Variants in USB1 observed in about 807,000 individuals in gnomAD.
The protein encoded by USB1 is U6 snRNA phosphodiesterase 1.
In USB1, 21 loss-of-function variants were observed where a neutral mutation model predicts 29.9. The observed-to-expected ratio is 0.70, with a 90% CI of 0.50 to 1.01. The LOEUF (loss-of-function observed/expected upper bound fraction) is 1.01, where lower values mean the gene tolerates loss of function less well. Ranked by LOEUF, USB1 falls within the 50% of genes least tolerant of loss-of-function variation. USB1 has a pLI of 0.00. For synonymous variants in USB1, 143 were observed against 134.9 expected (o/e 1.06, Z -0.42); for missense variants, 330 against 347.1 (o/e 0.95, Z 0.39).
At chr16:58,005,062 A>G (rs964971954) in intron 2 of USB1, among the ~76,000 whole-genome samples, 3 of 152,192 alleles carry the variant, frequency 2.0e-5, no homozygotes, top group African/African-American at 4.8e-5. Context: ...GGAGAGAGAG[A>G]GGACAGCTTA....
intron 3 of USB1, chr16:58,011,295 T>C: frequency 1.5e-5 from 21 of 1,431,100 alleles, no homozygotes; most frequent in Non-Finnish European, 1.9e-5. Context: ...TGGGGGCCTA[T>C]GGGGGTGAAA....
chr16:58,001,259 G>C, upstream of USB1: 1 of 618,718 alleles, frequency 1.6e-6, no homozygotes, highest in South Asian at 1.9e-5. Context: ...GCGGGGTGCC[G>C]GGAGGCTGCA....
intron 2 of USB1, among the ~76,000 whole-genome samples, chr16:58,007,097 T>C (rs977614555): frequency 1.3e-5 from 2 of 152,228 alleles, no homozygotes; most frequent in African/African-American, 2.4e-5. Flanking sequence ...TCTCTTTATA[T>C]GTTGTTGTAT....
chr16:58,007,579 G>T (rs1447052059), intron 2 of USB1, among the ~76,000 whole-genome samples: 1 of 152,018 alleles, frequency 6.6e-6, no homozygotes, highest in East Asian at 1.9e-4. Flanking sequence ...ACACAGTTTC[G>T]CCATGTTGGC....
chr16:58,003,061 G>A (rs1963268285), intron 2 of USB1, among the ~76,000 whole-genome samples: 1 of 152,110 alleles, frequency 6.6e-6, no homozygotes, highest in Non-Finnish European at 1.5e-5. Flanking sequence ...TCACTCCGCT[G>A]CCCACTACTC....
Position 58,002,648 on chromosome 16 carries a change from G to A in USB1, c.265+3G>A. The A allele has an allele frequency of 6.2e-7, 1 of 1,613,768 alleles. No homozygotes were observed. The highest frequency in any genetic ancestry group is 8.5e-7 in the Non-Finnish European group (1 of 1,179,972). ...GGCCACCCACGTCTATGTACCATGTGAGTGATGTGTGAAAGGCAAGTTGCC... is the reference window on the plus strand; with the variant it reads ...GGCCACCCACGTCTATGTACCATGTAAGTGATGTGTGAAAGGCAAGTTGCC... On this transcript the variant is annotated splice_donor_region_variant and intron_variant, in intron 2 of 6. Transcript: ENST00000219281.
At chr16:58,001,355 TCCCGGCTCCGCCCCGAGGCGGTGCCAGC>T (rs993204779), upstream of USB1, 3 of 1,104,090 alleles carry the variant, frequency 2.7e-6, no homozygotes, top group South Asian at 2.7e-5. Context: ...GTTCCGCCCC[TCCCGGCTCCGCCCCGAGGCGGTGCCAGC>T]CCAGGCCCCG....
Position 58,013,488 on chromosome 16 carries a change from G to A in USB1, c.450-785G>A. 1 of 985,444 alleles carries A rather than the reference G, an allele frequency of 1.0e-6. No homozygotes were observed. Among genetic ancestry groups the A allele is most frequent in the African/African-American group, 1.7e-5 (1 of 57,284 alleles). 61.0% of individuals were successfully genotyped at this position (985,444 alleles called of 1,614,324 possible). A position where few individuals can be genotyped will look rare whatever the true frequency, so the allele number is the denominator to read the frequency against. ...GGGCTGTAAAATGATCTGTTTCTGTGAGGAGACTTTCCATGGTGAGATTGC... is the reference window on the plus strand; with the variant it reads ...GGGCTGTAAAATGATCTGTTTCTGTAAGGAGACTTTCCATGGTGAGATTGC... On this transcript the variant is annotated intron_variant, in intron 3 of 6. Coordinates refer to ENST00000219281, the MANE Select transcript of USB1 (RefSeq NM_024598.4). The surrounding 1 kb of genome is among the most constrained non-coding windows in gnomAD (Gnocchi z 4.3).
Position 58,013,339 on chromosome 16 carries a change from C to T in USB1, c.450-934C>T. Reference sequence around the variant, plus strand: ...CAAGCTCCTGGTGGTTCTGTGATCCCTTACATTTTCTCCAGAGGCAGAGAG... The same window carrying T: ...CAAGCTCCTGGTGGTTCTGTGATCCTTTACATTTTCTCCAGAGGCAGAGAG... On this transcript the variant is annotated intron_variant, in intron 3 of 6. Coordinates refer to ENST00000219281, the MANE Select transcript of USB1 (RefSeq NM_024598.4). The surrounding 1 kb of genome is among the most constrained non-coding windows in gnomAD (Gnocchi z 4.3). The T allele has an allele frequency of 2.0e-6, 2 of 985,486 alleles. No homozygotes were observed. Among genetic ancestry groups the T allele is most frequent in the African/African-American group, 1.7e-5 (1 of 57,354 alleles). The allele number at this position is 985,486 out of a possible 1,614,324, so 61.0% of individuals were successfully genotyped here.
chr16:58,002,335 C>G (rs1445396146), intron 1 of USB1, 144 bp from the exon 2 acceptor site: 1 of 1,311,752 alleles, frequency 7.6e-7, no homozygotes, highest in Non-Finnish European at 1.1e-6. Flanking sequence ...AACAATTTCG[C>G]TATCTAGAAG....
At position 58,002,553 on chromosome 16, in the gene USB1, AGG is replaced by A. The variant is rs759761915; in HGVS notation, c.176_177del (p.Gly59AlafsTer2). 1.1e-5 allele frequency: 18 copies of A among 1,614,098 alleles called. No homozygotes were observed. Among genetic ancestry groups the A allele is most frequent in the Non-Finnish European group, 1.3e-5 (15 of 1,180,038 alleles). On this transcript the variant is annotated frameshift_variant, in exon 2 of 7. Transcript: ENST00000219281. LOFTEE classifies it high-confidence loss of function. ...CTGAACATGTTCCCGGGCACCGAGGAGGGGCCTGAAGATGACAGCACAAAACA... is the reference window on the plus strand; with the variant it reads ...CTGAACATGTTCCCGGGCACCGAGGAGGCCTGAAGATGACAGCACAAAACA...
At chr16:58,011,481 G>C in intron 3 of USB1, 2 of 1,018,604 alleles carry the variant, frequency 2.0e-6, no homozygotes, top group African/African-American at 1.7e-5. Flanking sequence ...TCAAAACCCT[G>C]CTCTTTCACT....
intron 3 of USB1, 147 bp downstream of exon 3, chr16:58,010,259 C>T (rs1963462855): frequency 1.1e-6 from 1 of 947,424 alleles, no homozygotes. Context: ...CTCTACTTCT[C>T]ATCCTCCGTG....
At chr16:58,019,682 G>C (rs1357277139) in intron 6 of USB1, among the ~76,000 whole-genome samples, 1 of 152,186 alleles carries the variant, frequency 6.6e-6, no homozygotes, top group East Asian at 1.9e-4. Flanking sequence ...TTTCATAAGA[G>C]AAGCCAGAAA....
rs1054803054 is a variant in USB1, at chr16:58,012,360, T to G, written c.450-1913T>G. 6 of 1,528,554 alleles carry G rather than the reference T, an allele frequency of 3.9e-6. No homozygotes were observed. The East Asian group carries it at 1.5e-4, about 37-fold the overall frequency. The allele number at this position is 1,528,554 out of a possible 1,614,324, so 94.7% of individuals were successfully genotyped here. The stretch of plus-strand genomic sequence containing the variant: ...TGCCAGAAGCCCAACCCAAAGTGGC[T>G]TAAACCAAAGAGAAATTTATAGGCT... On this transcript the variant is annotated intron_variant, in intron 3 of 6. Coordinates refer to ENST00000219281, the MANE Select transcript of USB1 (RefSeq NM_024598.4).
At chr16:58,010,602 A>T (rs1597049844) in intron 3 of USB1, 1 of 182,556 alleles carries the variant, frequency 5.5e-6, no homozygotes, top group East Asian at 1.1e-4. Context: ...TTTCACTACA[A>T]ATCAGAGGTT....
chr16:58,011,360 C>T (rs1963491815), intron 3 of USB1: 1 of 1,246,418 alleles, frequency 8.0e-7, no homozygotes, highest in South Asian at 3.0e-5. Flanking sequence ...GTACCAGACC[C>T]CACTTCTGGT....
chr16:58,014,928 A>G (rs1376331793), intron 4 of USB1, among the ~76,000 whole-genome samples: 1 of 152,006 alleles, frequency 6.6e-6, no homozygotes, highest in Non-Finnish European at 1.5e-5. Context: ...AATACAAAAA[A>G]TTAGCTGGGT....
chr16:58,012,495 T>C, intron 3 of USB1: 1 of 1,188,342 alleles, frequency 8.4e-7, no homozygotes, highest in Non-Finnish European at 1.2e-6. Context: ...CTGTTCACCA[T>C]CTCAGCTCTG....
Sources: allele counts gnomAD v4.1 joint callset (sites outside exome capture counted in the v4.1 genomes callset), GRCh38; gene constraint gnomAD v4.1.1; non-coding constraint Gnocchi (gnomAD v3.1); transcripts MANE v1.5; gene names NCBI Gene and HGNC (gene_info 2026-07-23, HGNC 2026-07-21).